Variants in PRKRIP1 observed in about 807,000 individuals in gnomAD.
PRKRIP1 encodes PRKR interacting protein 1.
Under a neutral mutation model 29.3 loss-of-function variants are expected in PRKRIP1, and 29 were observed. That is an observed-to-expected ratio of 0.99 (90% CI 0.74 to 1.35). PRKRIP1 has a LOEUF of 1.35. Ranked by LOEUF, PRKRIP1 falls within the 40% of genes most tolerant of loss-of-function variation. PRKRIP1 has a pLI of 0.00. For missense variants in PRKRIP1, 247 were observed against 236.8 expected (o/e 1.04, Z -0.28); for synonymous variants, 90 against 85.1 (o/e 1.06, Z -0.32).
At chr7:102,418,981 C>G (rs565275050) in intron 5 of PRKRIP1, among the ~76,000 whole-genome samples, 16 of 152,208 alleles carry the variant, frequency 1.1e-4, no homozygotes, top group Admixed American at 7.9e-4. Flanking sequence ...CAGGCATGAG[C>G]CACCACACCT....
At chr7:102,404,128 A>G (rs1428151255) in intron 3 of PRKRIP1, among the ~76,000 whole-genome samples, 1 of 152,176 alleles carries the variant, frequency 6.6e-6, no homozygotes, top group Non-Finnish European at 1.5e-5. Flanking sequence ...GTGCCACTGC[A>G]CTCCAGCCTA....
At chr7:102,412,366 T>A (rs1554572640) in intron 5 of PRKRIP1, among the ~76,000 whole-genome samples, 1 of 151,942 alleles carries the variant, frequency 6.6e-6, no homozygotes, top group East Asian at 1.9e-4. Flanking sequence ...ACCAGCCTGG[T>A]CAACAAAATG....
chr7:102,423,483 C>A, intron 5 of PRKRIP1: 1 of 236,654 alleles, frequency 4.2e-6, no homozygotes, highest in Non-Finnish European at 8.8e-6. Flanking sequence ...GAGCCTGGGT[C>A]CCTGTCTTAG....
At position 102,399,617 on chromosome 7, in the gene PRKRIP1, G is replaced by A. The variant is rs370281275; in HGVS notation, c.275G>A (p.Arg92Gln). 7 of 1,613,920 alleles carry A rather than the reference G, an allele frequency of 4.3e-6. No homozygotes were observed. Among genetic ancestry groups the A allele is most frequent in the African/African-American group, 1.3e-5 (1 of 74,914 alleles). Reference protein sequence around the residue: ...YRHLRRREYQRQDYMDAMAEK... With the variant: ...YRHLRRREYQQQDYMDAMAEK... Reference sequence around the variant, plus strand: ...CATCTGCGCCGGAGAGAATATCAGCGACAGGACTACATGGATGCCATGGCT... The same window carrying A: ...CATCTGCGCCGGAGAGAATATCAGCAACAGGACTACATGGATGCCATGGCT... The change falls in exon 3 of 6, where the codon CGA (arginine) becomes CAA (glutamine). Residue 92 changes from arginine (R) to glutamine (Q), a missense_variant. This residue lies in a region of PRKRIP1 where 134 missense variants were observed against 126.6 expected (regional missense o/e 1.06). Coordinates refer to ENST00000397912, the MANE Select transcript of PRKRIP1 (RefSeq NM_024653.4).
intron 3 of PRKRIP1, among the ~76,000 whole-genome samples, chr7:102,403,097 A>G (rs930450877): frequency 2.0e-5 from 3 of 151,890 alleles, no homozygotes; most frequent in Non-Finnish European, 4.4e-5. Context: ...CTGGTCTCGA[A>G]CTCTGGACCT....
rs540000201 is a variant in PRKRIP1 at position 102,420,390 on chromosome 7, T to A, written c.458-4624T>A. Among the ~76,000 whole-genome samples the A allele has an allele frequency of 3.1e-3, 479 of 152,352 alleles. 5 individuals are homozygous for A. The highest frequency in any genetic ancestry group is 0.011 in the African/African-American group (450 of 41,584). On this transcript the variant is annotated intron_variant, in intron 5 of 5. Coordinates refer to ENST00000397912, the MANE Select transcript of PRKRIP1 (RefSeq NM_024653.4). The stretch of plus-strand genomic sequence containing the variant: ...TCACATCCTTCTCAGCACTTGGTAT[T>A]GTCCGTTTTTTGAATTTGAGCCATC...
chr7:102,416,566 T>C (rs1452580827), intron 5 of PRKRIP1, among the ~76,000 whole-genome samples: 1 of 152,182 alleles, frequency 6.6e-6, no homozygotes, highest in African/African-American at 2.4e-5. Context: ...GGTCTGATTT[T>C]CTCATGATTT....
intron 3 of PRKRIP1, among the ~76,000 whole-genome samples, chr7:102,404,120 G>C (rs1796145397): frequency 6.6e-6 from 1 of 152,148 alleles, no homozygotes; most frequent in Admixed American, 6.6e-5. Context: ...GAGCTATTGT[G>C]CCACTGCACT....
intron 2 of PRKRIP1, 60 bp downstream of exon 2, chr7:102,397,758 G>T (rs376568196): frequency 6.5e-7 from 1 of 1,532,190 alleles, no homozygotes; most frequent in African/African-American, 1.4e-5. Flanking sequence ...TTTTAAGGTA[G>T]CTATAGGCTG....
At chr7:102,404,288 T>C in intron 3 of PRKRIP1, 1 of 240,006 alleles carries the variant, frequency 4.2e-6, no homozygotes, top group Non-Finnish European at 8.2e-6. Context: ...AGGCCCCGGC[T>C]GAGCAGATGG....
At chr7:102,417,924 C>G (rs1554573317) in intron 5 of PRKRIP1, among the ~76,000 whole-genome samples, 1 of 151,818 alleles carries the variant, frequency 6.6e-6, no homozygotes, top group East Asian at 1.9e-4. Context: ...ACTTGGCTTC[C>G]TTACTTCCTG....
At chr7:102,415,987 G>A (rs936913764) in intron 5 of PRKRIP1, among the ~76,000 whole-genome samples, 4 of 152,198 alleles carry the variant, frequency 2.6e-5, no homozygotes, top group African/African-American at 4.8e-5. Context: ...CTCTGTTCAC[G>A]CCGCCTGACT....
intron 2 of PRKRIP1, among the ~76,000 whole-genome samples, chr7:102,398,653 T>C (rs1276202391): frequency 6.6e-6 from 1 of 152,202 alleles, no homozygotes; most frequent in Non-Finnish European, 1.5e-5. Context: ...ATTATTTTGT[T>C]GGATCATAAA....
intron 3 of PRKRIP1, among the ~76,000 whole-genome samples, chr7:102,404,138 A>G (rs1415642882): frequency 6.6e-6 from 1 of 152,180 alleles, no homozygotes; most frequent in African/African-American, 2.4e-5. Context: ...ACTCCAGCCT[A>G]GGCGACAGAG....
Position 102,425,363 on chromosome 7 carries a change from C to T in PRKRIP1, c.*252C>T, listed in dbSNP as rs1393118458. Reference sequence around the variant, plus strand: ...CCTGGTAAAGGGGGACAGAGAGCCTCACCTTGCCACATATTTGAACAGTGA... The same window carrying T: ...CCTGGTAAAGGGGGACAGAGAGCCTTACCTTGCCACATATTTGAACAGTGA... On this transcript the variant is annotated 3_prime_UTR_variant, in exon 6 of 6. Transcript: ENST00000397912. 6.6e-6 allele frequency: 4 copies of T among 604,984 alleles called. No homozygotes were observed. The highest frequency in any genetic ancestry group is 2.8e-6 in the Non-Finnish European group (1 of 359,484). 37.5% of individuals were successfully genotyped at this position (604,984 alleles called of 1,614,324 possible).
intron 5 of PRKRIP1, among the ~76,000 whole-genome samples, chr7:102,416,301 T>G (rs944296621): frequency 6.6e-5 from 10 of 152,358 alleles, no homozygotes; most frequent in South Asian, 6.2e-4. Flanking sequence ...GTCTCCCCAT[T>G]GTTTAACTTC....
intron 5 of PRKRIP1, chr7:102,423,321 G>T: frequency 1.1e-5 from 4 of 377,294 alleles, no homozygotes; most frequent in South Asian, 7.6e-5. Flanking sequence ...CCCCCATGTT[G>T]GTCAGGCTGG....
At chr7:102,419,412 T>TA (rs1365277233) in intron 5 of PRKRIP1, among the ~76,000 whole-genome samples, 58 of 149,068 alleles carry the variant, frequency 3.9e-4, no homozygotes, top group African/African-American at 1.1e-3. Flanking sequence ...AGACTCCGTC[T>TA]AAAAAAAAAA....
In PRKRIP1 at chr7:102,396,444, A is replaced by G. The variant is rs1554570339; in HGVS notation, c.33A>G (p.Pro11=). Residue 11 remains proline, a synonymous_variant, in exon 1 of 6, where the codon CCA becomes CCG. Transcript: ENST00000397912. Reference sequence around the variant, plus strand: ...GCCCAGCCGCCTCCTCGGTGCGACCACCGAGGCCCAAGAAAGAGCCGCAGA... The same window carrying G: ...GCCCAGCCGCCTCCTCGGTGCGACCGCCGAGGCCCAAGAAAGAGCCGCAGA... MASPAASSVR[P]PRPKKEPQTL... The G allele has an allele frequency of 8.1e-6, 13 of 1,602,980 alleles. No homozygotes were observed. The South Asian group carries it at 1.2e-4, about 15-fold the overall frequency.
Sources: allele counts gnomAD v4.1 joint callset (sites outside exome capture counted in the v4.1 genomes callset), GRCh38; gene constraint gnomAD v4.1.1; regional missense constraint gnomAD v4.1.1; transcripts MANE v1.5; gene names NCBI Gene and HGNC (gene_info 2026-07-23, HGNC 2026-07-21).